The following CNTNAP2 variants were observed in gnomAD, a reference collection of about 807,000 sequenced individuals.
CNTNAP2 encodes contactin associated protein 2, also known as contactin-associated protein-like 2.
CNTNAP2 carries 98 observed loss-of-function variants against 155.2 expected under a neutral mutation model. The ratio of observed to expected loss-of-function variants is 0.63; its 90% CI spans 0.54 to 0.75. The LOEUF (loss-of-function observed/expected upper bound fraction) is 0.75. CNTNAP2 is among the 30% of genes least tolerant of loss of function. The pLI, the probability that CNTNAP2 is intolerant of heterozygous loss-of-function variation, is 0.00. For synonymous variants in CNTNAP2, 651 were observed against 631.2 expected, an observed-to-expected ratio of 1.03 and a Z score of -0.47; for missense variants, 1,727 against 1,688.1, an observed-to-expected ratio of 1.02 and a Z score of -0.40.
intron 10 of CNTNAP2, among the ~76,000 whole-genome samples, chr7:147,463,497 G>A (rs1798060841): frequency 6.6e-6 from 1 of 152,110 alleles, no homozygotes; most frequent in Non-Finnish European, 1.5e-5. Flanking sequence ...AATCTAATTG[G>A]AGAGAGAGTA....
At chr7:146,147,989 G>A (rs1797980303) in intron 1 of CNTNAP2, among the ~76,000 whole-genome samples, 1 of 152,006 alleles carries the variant, frequency 6.6e-6, no homozygotes, top group African/African-American at 2.4e-5. Context: ...GATATGAATT[G>A]CAGAATTCCT....
chr7:146,692,817 T>G (rs1405038375), intron 1 of CNTNAP2, among the ~76,000 whole-genome samples: 1 of 152,112 alleles, frequency 6.6e-6, no homozygotes, highest in African/African-American at 2.4e-5. Context: ...AGGAAGTGAT[T>G]GCTATTATGA....
intron 8 of CNTNAP2, among the ~76,000 whole-genome samples, chr7:147,211,313 A>C (rs2116571965): frequency 6.6e-6 from 1 of 152,110 alleles, no homozygotes. Flanking sequence ...GGGTACTCCA[A>C]GGTTGGGTTC....
chr7:147,720,638 C>T (rs116986272), intron 13 of CNTNAP2, among the ~76,000 whole-genome samples: 4,287 of 152,076 alleles, frequency 0.028, 89 homozygotes, highest in Middle Eastern at 0.11. Context: ...GCTGTTCTCA[C>T]GATAGTAAGT....
intron 1 of CNTNAP2, among the ~76,000 whole-genome samples, chr7:146,289,294 A>G (rs1211073012): frequency 5.3e-5 from 8 of 152,340 alleles, no homozygotes; most frequent in South Asian, 2.1e-4. Context: ...GCTTTGATTC[A>G]TGGTACAAAA....
chr7:146,360,709 C>CA (rs1795069824), intron 1 of CNTNAP2, among the ~76,000 whole-genome samples: 1 of 152,194 alleles, frequency 6.6e-6, no homozygotes, highest in South Asian at 2.1e-4. Flanking sequence ...TCAGATGGAG[C>CA]AGCTCCACTG....
At chr7:147,772,303 G>T (rs965228060) in intron 13 of CNTNAP2, among the ~76,000 whole-genome samples, 29 of 150,526 alleles carry the variant, frequency 1.9e-4, no homozygotes, top group Non-Finnish European at 4.0e-4. Flanking sequence ...TGTAATCCCA[G>T]CTACTCGGGA....
At chr7:147,775,116 G>T (rs1797539270) in intron 13 of CNTNAP2, among the ~76,000 whole-genome samples, 1 of 149,064 alleles carries the variant, frequency 6.7e-6, no homozygotes, top group South Asian at 2.1e-4. Context: ...AAGGGTGATG[G>T]TCTTTTCACA....
intron 8 of CNTNAP2, among the ~76,000 whole-genome samples, chr7:147,297,932 T>C (rs970141534): frequency 2.6e-5 from 4 of 152,234 alleles, no homozygotes; most frequent in East Asian, 1.9e-4. Context: ...TTTGGGTATA[T>C]ACGTAGTAGT....
At chr7:146,146,261 G>T (rs1205730678) in intron 1 of CNTNAP2, among the ~76,000 whole-genome samples, 24 of 152,052 alleles carry the variant, frequency 1.6e-4, no homozygotes, top group Admixed American at 1.5e-3. Flanking sequence ...TCTAATTAAA[G>T]ATATTTCAAT....
At chr7:146,891,038 A>G (rs1454197979) in intron 3 of CNTNAP2, among the ~76,000 whole-genome samples, 1 of 152,214 alleles carries the variant, frequency 6.6e-6, no homozygotes, top group Non-Finnish European at 1.5e-5. Context: ...ACATACATAT[A>G]TATCTCATAG....
chr7:146,159,938 T>C (rs978838727), intron 1 of CNTNAP2, among the ~76,000 whole-genome samples: 15 of 152,180 alleles, frequency 9.9e-5, no homozygotes, highest in African/African-American at 3.1e-4. Flanking sequence ...AGAATACACA[T>C]TCTTCTCAGT....
chr7:146,905,308 C>T (rs959934796), intron 3 of CNTNAP2, among the ~76,000 whole-genome samples: 5 of 152,044 alleles, frequency 3.3e-5, no homozygotes, highest in African/African-American at 1.2e-4. Flanking sequence ...ACCTACCACA[C>T]CTTTCTGCCT....
At chr7:148,146,382 A>G (rs1805178089) in intron 16 of CNTNAP2, among the ~76,000 whole-genome samples, 1 of 152,250 alleles carries the variant, frequency 6.6e-6, no homozygotes. Context: ...AAAAATATAC[A>G]TTTAAAAAGC....
chr7:147,499,003 C>T (rs930046723), intron 11 of CNTNAP2, among the ~76,000 whole-genome samples: 1 of 152,054 alleles, frequency 6.6e-6, no homozygotes, highest in African/African-American at 2.4e-5. Context: ...CATTTAGATT[C>T]CAGCAGTCTC....
chr7:148,195,082 T>C (rs1412763046), intron 18 of CNTNAP2, among the ~76,000 whole-genome samples: 1 of 152,168 alleles, frequency 6.6e-6, no homozygotes, highest in Admixed American at 6.5e-5. Flanking sequence ...CCTACAATAA[T>C]AGGGTCAAGT....
At chr7:146,255,527 A>G (rs1799824023) in intron 1 of CNTNAP2, among the ~76,000 whole-genome samples, 2 of 152,216 alleles carry the variant, frequency 1.3e-5, no homozygotes, top group Admixed American at 1.3e-4. Flanking sequence ...TAAGTTACCT[A>G]AAATCTGAAT....
intron 1 of CNTNAP2, among the ~76,000 whole-genome samples, chr7:146,641,258 G>A (rs992748267): frequency 2.6e-5 from 4 of 152,116 alleles, no homozygotes; most frequent in Non-Finnish European, 4.4e-5. Context: ...ACCCAGAGGC[G>A]GAGCTTGCAG....
chr7:148,229,208 A>G (rs1028830380), intron 19 of CNTNAP2, among the ~76,000 whole-genome samples: 2 of 152,158 alleles, frequency 1.3e-5, no homozygotes, highest in African/African-American at 2.4e-5. Flanking sequence ...TTATCTGTGG[A>G]CATCAAGGGA....
Sources: gnomAD v4.1 joint callset for allele counts (sites outside exome capture counted in the v4.1 genomes callset) on GRCh38, gnomAD v4.1.1 for gene constraint, MANE v1.5 for transcripts, NCBI Gene and HGNC (gene_info 2026-07-23, HGNC 2026-07-21) for gene names.